The following MYRIP variants were observed in gnomAD, a reference collection of about 807,000 sequenced individuals.
MYRIP encodes rab effector MyRIP.
MYRIP carries 49 observed loss-of-function variants against 98.0 expected under a neutral mutation model. The observed-to-expected ratio is 0.50, with a 90% CI of 0.40 to 0.63. The LOEUF (loss-of-function observed/expected upper bound fraction) is 0.63. Among genes scored for constraint, MYRIP ranks in the 30% least tolerant of loss-of-function variants. MYRIP has a pLI of 0.00. For missense variants in MYRIP, 1,004 were observed against 1,058.2 expected, an observed-to-expected ratio of 0.95 and a Z score of 0.71; for synonymous variants, 404 against 409.5, an observed-to-expected ratio of 0.99 and a Z score of 0.16.
chr3:39,920,440 G>A (rs534416681), intron 2 of MYRIP, among the ~76,000 whole-genome samples: 1 of 152,030 alleles, frequency 6.6e-6, no homozygotes, highest in Non-Finnish European at 1.5e-5. Context: ...ATTCACTCAC[G>A]TACTGACTTG....
chr3:40,241,512 T>G (rs1953014485), intron 12 of MYRIP, among the ~76,000 whole-genome samples: 1 of 151,652 alleles, frequency 6.6e-6, no homozygotes. Flanking sequence ...TAAGGTCAAA[T>G]AAGTCTGGGA....
At chr3:40,032,980 C>T (rs1947294948) in intron 2 of MYRIP, among the ~76,000 whole-genome samples, 1 of 151,978 alleles carries the variant, frequency 6.6e-6, no homozygotes, top group Non-Finnish European at 1.5e-5. Context: ...ACAGGATTAT[C>T]TCAATAGATG....
At chr3:39,869,674 T>C (rs920443895) in intron 1 of MYRIP, among the ~76,000 whole-genome samples, 21 of 152,202 alleles carry the variant, frequency 1.4e-4, no homozygotes, top group African/African-American at 4.6e-4. Flanking sequence ...TTACCATCTG[T>C]AACATGGGAC....
intron 2 of MYRIP, among the ~76,000 whole-genome samples, chr3:39,987,448 A>C (rs747619205): frequency 6.6e-6 from 1 of 152,166 alleles, no homozygotes; most frequent in Non-Finnish European, 1.5e-5. Context: ...TGCTATAGTA[A>C]ATAGTGCTGC....
chr3:39,886,286 A>C (rs959715133), intron 1 of MYRIP, among the ~76,000 whole-genome samples: 6 of 151,948 alleles, frequency 3.9e-5, no homozygotes, highest in African/African-American at 1.5e-4. Context: ...TCAACTAACG[A>C]GCAAACTAAC....
Position 40,151,055 on chromosome 3 carries a change from A to G in MYRIP, c.340A>G (p.Arg114Gly). The G allele has an allele frequency of 6.3e-7, 1 of 1,584,258 alleles. No individual in the cohort carries two copies. The highest frequency in any genetic ancestry group is 1.2e-5 in the South Asian group (1 of 86,158). ...TAATTCTGTTTTCCTCAGGCTTCTG[A>G]GGGCCCAATCTCTGGAATGGTTCTA... ...CCVCQQARLL[R>G]AQSLEWFYNN... is the part of the protein sequence containing the mutation. Residue 114 changes from arginine (R) to glycine (G), a missense_variant, in exon 4 of 17, where the codon AGG becomes GGG. By Grantham distance (125) the Arg-to-Gly change is moderately radical (BLOSUM62 -2). Around this residue, in one of 3 missense-constraint regions of MYRIP, gnomAD observed 880 missense variants for 907.7 expected, o/e 0.97. Coordinates refer to ENST00000302541, the MANE Select transcript of MYRIP (RefSeq NM_015460.4).
intron 9 of MYRIP, among the ~76,000 whole-genome samples, chr3:40,188,544 G>A (rs938010297): frequency 6.6e-6 from 1 of 151,954 alleles, no homozygotes. Flanking sequence ...TTGGGAGGCT[G>A]AGGCGGGTGG....
chr3:39,893,162 T>C (rs1019919796), intron 1 of MYRIP, among the ~76,000 whole-genome samples: 14 of 152,224 alleles, frequency 9.2e-5, no homozygotes, highest in African/African-American at 3.4e-4. Context: ...CTGAACTATA[T>C]GTTTTTATTT....
At chr3:39,894,635 A>G (rs537880180) in intron 1 of MYRIP, among the ~76,000 whole-genome samples, 2 of 152,316 alleles carry the variant, frequency 1.3e-5, no homozygotes, top group East Asian at 3.9e-4. Flanking sequence ...TTACCTTAAT[A>G]TGTCATAAAC....
At chr3:39,984,679 A>G (rs1473626718) in intron 2 of MYRIP, among the ~76,000 whole-genome samples, 3 of 152,100 alleles carry the variant, frequency 2.0e-5, no homozygotes, top group Admixed American at 6.5e-5. Context: ...TAATGCCTCA[A>G]TAAACATATG....
chr3:40,151,797 G>A (rs1465638675), intron 4 of MYRIP, among the ~76,000 whole-genome samples: 1 of 152,188 alleles, frequency 6.6e-6, no homozygotes, highest in Non-Finnish European at 1.5e-5. Flanking sequence ...TGGACAGCAT[G>A]CCTTCCAAAA....
chr3:39,870,040 C>T (rs1284273895), intron 1 of MYRIP, among the ~76,000 whole-genome samples: 7 of 152,052 alleles, frequency 4.6e-5, no homozygotes, highest in Non-Finnish European at 1.0e-4. Context: ...GCCTGAAGCA[C>T]ACAGTATTTG....
chr3:40,177,998 G>A lies in MYRIP; in HGVS notation c.874-4222G>A, dbSNP rs149518942. 4.0e-3 allele frequency among the ~76,000 whole-genome samples: 605 copies of A among 152,222 alleles called. 4 individuals are homozygous for A. The highest frequency in any genetic ancestry group is 0.014 in the African/African-American group (572 of 41,526). On this transcript the variant is annotated intron_variant, in intron 8 of 16. Coordinates refer to ENST00000302541, the MANE Select transcript of MYRIP (RefSeq NM_015460.4). ...CTTTTTGTCATTGCTATAATTATAG[G>A]ATTGAATTTAATACTTACATCTGAC...
rs907017041 is a variant in MYRIP, at chr3:40,224,690, A to G, written c.1906-9169A>G. On this transcript the variant is annotated intron_variant, in intron 11 of 16. Coordinates refer to ENST00000302541, the MANE Select transcript of MYRIP (RefSeq NM_015460.4). Reference sequence around the variant, plus strand: ...AAATTTATTTTTTAGTCACCATGAAAAAAGGAAAATATTTCTTTTATAGAT... The same window carrying G: ...AAATTTATTTTTTAGTCACCATGAAGAAAGGAAAATATTTCTTTTATAGAT... Among the ~76,000 whole-genome samples the G allele has an allele frequency of 7.9e-5, 12 of 152,372 alleles. No homozygotes were observed. In the South Asian group the frequency reaches 2.5e-3, roughly 32 times the overall value.
Position 40,208,856 on chromosome 3 carries a change from G to C in MYRIP, c.1666-998G>C, listed in dbSNP as rs545567054. The C allele has an allele frequency of 3.3e-5, 5 of 152,234 alleles. No individual in the cohort carries two copies. The South Asian group carries it at 1.0e-3, about 32-fold the overall frequency. 9.4% of individuals were successfully genotyped at this position (152,234 alleles called of 1,614,324 possible). A position where few individuals can be genotyped will look rare whatever the true frequency, so the allele number is the denominator to read the frequency against. ...TCTCTGCATTGAACCACCATGAAAAGTTAGTACTCATTAGCCAATGCCTCT... is the reference window on the plus strand; with the variant it reads ...TCTCTGCATTGAACCACCATGAAAACTTAGTACTCATTAGCCAATGCCTCT... On this transcript the variant is annotated intron_variant, in intron 10 of 16. Coordinates refer to ENST00000302541, the MANE Select transcript of MYRIP (RefSeq NM_015460.4).
At chr3:40,058,301 A>G (rs982016444) in intron 3 of MYRIP, among the ~76,000 whole-genome samples, 1 of 152,182 alleles carries the variant, frequency 6.6e-6, no homozygotes, top group African/African-American at 2.4e-5. Context: ...GACTCAAGTC[A>G]TCATCTAATA....
At chr3:39,882,001 T>C (rs900090731) in intron 1 of MYRIP, among the ~76,000 whole-genome samples, 3 of 152,166 alleles carry the variant, frequency 2.0e-5, no homozygotes, top group Non-Finnish European at 2.9e-5. Flanking sequence ...AGGAAATGAA[T>C]GTTTTAATCC....
At chr3:40,201,219 A>G (rs1350875679) in intron 10 of MYRIP, among the ~76,000 whole-genome samples, 2 of 152,186 alleles carry the variant, frequency 1.3e-5, no homozygotes, top group Admixed American at 6.5e-5. Context: ...CAGGCTAGCA[A>G]TTTTCCAGAT....
At chr3:40,071,337 G>A (rs369939925) in intron 3 of MYRIP, 1 of 315,004 alleles carries the variant, frequency 3.2e-6, no homozygotes, top group Non-Finnish European at 4.6e-6. Flanking sequence ...GGGACGGATG[G>A]CAGGTCAGGA....
Sources: gnomAD v4.1 joint callset for allele counts (sites outside exome capture counted in the v4.1 genomes callset) on GRCh38, gnomAD v4.1.1 for gene constraint, gnomAD v4.1.1 regional missense constraint, MANE v1.5 for transcripts, NCBI Gene and HGNC (gene_info 2026-07-23, HGNC 2026-07-21) for gene names.